The following DOCK8 variants were observed in gnomAD, a reference collection of about 807,000 sequenced individuals.
The protein encoded by DOCK8 is dedicator of cytokinesis protein 8.
A neutral mutation model predicts 245.6 loss-of-function variants in DOCK8; 141 were observed. The observed-to-expected ratio is 0.57, with a 90% CI of 0.50 to 0.66. The LOEUF (loss-of-function observed/expected upper bound fraction) is 0.66, where lower values mean the gene tolerates loss of function less well. DOCK8 is among the 30% of genes least tolerant of loss of function. The probability of loss-of-function intolerance (pLI) is 0.00; values close to 1 mark genes in which losing one functional copy is unlikely to be tolerated. For missense variants in DOCK8, 2,965 were observed against 2,603.4 expected (o/e 1.14, Z -3.02); for synonymous variants, 1,168 against 970.2 (o/e 1.20, Z -3.79).
At position 464,652 on chromosome 9, in the gene DOCK8, T is replaced by C. The variant is rs2057915776; in HGVS notation, c.*433T>C. On this transcript the variant is annotated 3_prime_UTR_variant, in exon 48 of 48. Coordinates refer to ENST00000432829, the MANE Select transcript of DOCK8 (RefSeq NM_203447.4). Reference sequence around the variant, plus strand: ...GATTCAAACTGAATTTCACTCTTTATAGGAAGGCAGGGCAAACTTGTAGGA... The same window carrying C: ...GATTCAAACTGAATTTCACTCTTTACAGGAAGGCAGGGCAAACTTGTAGGA... The C allele has an allele frequency of 4.5e-6, 1 of 222,392 alleles. No individual in the cohort carries two copies. The highest frequency in any genetic ancestry group is 6.4e-5 in the South Asian group (1 of 15,650). 13.8% of individuals were successfully genotyped at this position (222,392 alleles called of 1,614,324 possible).
chr9:413,714 C>G (rs2055859893), intron 28 of DOCK8, among the ~76,000 whole-genome samples: 1 of 152,074 alleles, frequency 6.6e-6, no homozygotes, highest in African/African-American at 2.4e-5. Context: ...CACTTGATAC[C>G]CACGAAGATG....
At chr9:397,546 C>T (rs535256352) in intron 25 of DOCK8, among the ~76,000 whole-genome samples, 7 of 151,056 alleles carry the variant, frequency 4.6e-5, no homozygotes, top group Admixed American at 3.3e-4. Context: ...GAAAATTAGC[C>T]GGGTGTAGTG....
intron 5 of DOCK8, among the ~76,000 whole-genome samples, chr9:305,880 G>T (rs1048203127): frequency 2.0e-5 from 3 of 152,166 alleles, no homozygotes; most frequent in Non-Finnish European, 4.4e-5. Flanking sequence ...AGCAGCCCAA[G>T]TATCCATCCA....
chr9:213,582 C>T (rs777460371), upstream of DOCK8: 8 of 152,162 alleles, frequency 5.3e-5, no homozygotes, highest in South Asian at 2.1e-4. Flanking sequence ...ATGTTTTCTG[C>T]GCTGTCTTTA....
At chr9:286,797 G>A (rs533590413) in intron 3 of DOCK8, among the ~76,000 whole-genome samples, 161 bp downstream of exon 3, 1 of 152,156 alleles carries the variant, frequency 6.6e-6, no homozygotes, top group African/African-American at 2.4e-5. Flanking sequence ...TGTAAGTATA[G>A]ATAGTTTTTA....
In DOCK8 at chr9:400,995, C is replaced by CCTCCACCAT. The variant is rs2055050172; in HGVS notation, c.3234+1737_3234+1738insTCCACCATC. On this transcript the variant is annotated intron_variant, in intron 26 of 47. Transcript: ENST00000432829. Reference sequence around the variant, plus strand: ...TCCACCATCACCACCTCCTCCACCACCACCACCATTAGCTCCACCATGACC... The same window carrying CCTCCACCAT: ...TCCACCATCACCACCTCCTCCACCACCTCCACCATCACCACCATTAGCTCCACCATGACC... Among the ~76,000 whole-genome samples the CCTCCACCAT allele has an allele frequency of 3.1e-4, 17 of 54,588 alleles. 1 individual carries two copies. Among genetic ancestry groups the CCTCCACCAT allele is most frequent in the Admixed American group, 2.4e-3 (13 of 5,424 alleles). 35.8% of individuals were successfully genotyped at this position (54,588 alleles called of 152,430 possible). A position where few individuals can be genotyped will look rare whatever the true frequency, so the allele number is the denominator to read the frequency against.
chr9:259,071 C>G (rs946510384), intron 1 of DOCK8, among the ~76,000 whole-genome samples: 2 of 151,838 alleles, frequency 1.3e-5, no homozygotes, highest in African/African-American at 4.8e-5. Context: ...ATTTGGGAGG[C>G]TGAGGCAGGA....
chr9:236,954 G>C (rs2047265516), intron 1 of DOCK8, among the ~76,000 whole-genome samples: 1 of 152,226 alleles, frequency 6.6e-6, no homozygotes, highest in Non-Finnish European at 1.5e-5. Flanking sequence ...CCCTGGGGAG[G>C]ACTGCTTACA....
chr9:444,134 A>G (rs1258533920), intron 43 of DOCK8, among the ~76,000 whole-genome samples: 1 of 152,020 alleles, frequency 6.6e-6, no homozygotes, highest in Non-Finnish European at 1.5e-5. Context: ...TTTCACCCCA[A>G]AATGGGTGTA....
At chr9:322,767 C>G (rs1350557617) in intron 7 of DOCK8, among the ~76,000 whole-genome samples, 1 of 152,106 alleles carries the variant, frequency 6.6e-6, no homozygotes, top group Non-Finnish European at 1.5e-5. Context: ...ATTGAGCATG[C>G]CAGGCAGCAG....
chr9:376,859 G>T (rs1563982615), intron 19 of DOCK8, 118 bp from the exon 20 acceptor site: 9 of 903,038 alleles, frequency 1.0e-5, no homozygotes, highest in Non-Finnish European at 1.6e-5. Context: ...TAGACCTTCT[G>T]GTCTGAAACG....
intron 18 of DOCK8, 69 bp from the exon 19 acceptor site, chr9:376,141 C>T: frequency 9.3e-7 from 1 of 1,076,534 alleles, no homozygotes; most frequent in East Asian, 2.4e-5. Context: ...TCAAGTTGGT[C>T]TGCATTGCTT....
chr9:297,319 C>T (rs1032855117), intron 4 of DOCK8, among the ~76,000 whole-genome samples: 2 of 152,194 alleles, frequency 1.3e-5, no homozygotes, highest in African/African-American at 4.8e-5. Flanking sequence ...CGTCTGCACC[C>T]AGTTCCTTCT....
At chr9:418,305 T>G (rs1195723718) in intron 30 of DOCK8, 98 bp downstream of exon 30, 1 of 1,511,502 alleles carries the variant, frequency 6.6e-7, no homozygotes, top group East Asian at 2.3e-5. Context: ...AGAGTCTCAC[T>G]CTGTTGCACA....
Position 390,710 on chromosome 9 carries a change from A to T in DOCK8, c.2970+144A>T, listed in dbSNP as rs1209940654. 7.9e-6 allele frequency: 6 copies of T among 760,772 alleles called. No individual in the cohort carries two copies. In the Admixed American group the frequency reaches 8.2e-5, roughly 10 times the overall value. 47.1% of individuals were successfully genotyped at this position (760,772 alleles called of 1,614,324 possible). On this transcript the variant is annotated intron_variant, in intron 24 of 47. Coordinates refer to ENST00000432829, the MANE Select transcript of DOCK8 (RefSeq NM_203447.4). ...AATCTAATAATCTCTCACCCCTCCCATCCTTCTTCCACTAAATTGTGTTGC... is the reference window on the plus strand; with the variant it reads ...AATCTAATAATCTCTCACCCCTCCCTTCCTTCTTCCACTAAATTGTGTTGC...
At chr9:387,254 G>T (rs1367095130) in intron 23 of DOCK8, among the ~76,000 whole-genome samples, 1 of 152,040 alleles carries the variant, frequency 6.6e-6, no homozygotes, top group East Asian at 1.9e-4. Context: ...GATAAGCCTG[G>T]CCAACATGGT....
chr9:233,992 G>T (rs973782342), intron 1 of DOCK8, among the ~76,000 whole-genome samples: 1 of 152,050 alleles, frequency 6.6e-6, no homozygotes, highest in African/African-American at 2.4e-5. Flanking sequence ...TTCCTAGCTT[G>T]GATGGTCTTT....
chr9:400,955 A>ACCTCCT (rs1554692480), intron 26 of DOCK8, among the ~76,000 whole-genome samples: 6 of 119,676 alleles, frequency 5.0e-5, no homozygotes, highest in Non-Finnish European at 1.1e-4. Flanking sequence ...CATCACCACC[A>ACCTCCT]CCACCACCAC....
chr9:371,506 C>T lies in DOCK8; in HGVS notation c.1947C>T (p.Phe649=). The T allele has an allele frequency of 6.2e-7, 1 of 1,614,230 alleles. No homozygotes were observed. Among genetic ancestry groups the T allele is most frequent in the South Asian group, 1.1e-5 (1 of 91,088 alleles). ...LTVNHHLLFT[F]YHISCQQKQG... ...TAAATCACCACCTCCTGTTCACCTT[C>T]TACCATATCAGCTGTCAGCAGAAGC... Residue 649 remains phenylalanine (F), a synonymous_variant, in exon 17 of 48, where the codon TTC becomes TTT. Transcript: ENST00000432829.
Sources: allele counts gnomAD v4.1 joint callset (sites outside exome capture counted in the v4.1 genomes callset), GRCh38; gene constraint gnomAD v4.1.1; transcripts MANE v1.5; gene names NCBI Gene and HGNC (gene_info 2026-07-23, HGNC 2026-07-21).